Variants in PCDH9 observed in about 807,000 individuals in gnomAD.
PCDH9 encodes protocadherin-9.
In PCDH9, 24 loss-of-function variants were observed where a neutral mutation model predicts 70.6. The observed-to-expected ratio is 0.34, with a 90% confidence interval of 0.25 to 0.48. PCDH9 has a LOEUF of 0.48. Among genes scored for constraint, PCDH9 ranks in the 20% least tolerant of loss-of-function variants. The pLI is 0.99. For missense variants in PCDH9, 1,281 were observed against 1,503.6 expected (o/e 0.85, Z 2.45); for synonymous variants, 562 against 558.5 (o/e 1.01, Z -0.09).
chr13:66,491,422 A>AT (rs1959031925), intron 4 of PCDH9, among the ~76,000 whole-genome samples: 1 of 37,792 alleles, frequency 2.6e-5, no homozygotes, highest in African/African-American at 8.7e-5. Flanking sequence ...TGTGTGTATG[A>AT]GAGAGAGAGA....
At chr13:66,777,201 A>G (rs2079910691) in intron 3 of PCDH9, among the ~76,000 whole-genome samples, 1 of 152,052 alleles carries the variant, frequency 6.6e-6, no homozygotes, top group African/African-American at 2.4e-5. Flanking sequence ...AGGCAATACC[A>G]TTCAGGACAC....
intron 3 of PCDH9, among the ~76,000 whole-genome samples, chr13:66,852,732 A>G (rs1311982078): frequency 1.3e-5 from 2 of 151,518 alleles, no homozygotes; most frequent in East Asian, 1.9e-4. Context: ...TCATGTATGA[A>G]CTTCATTTTC....
At chr13:66,639,984 A>T (rs964427391) in intron 3 of PCDH9, among the ~76,000 whole-genome samples, 18 of 152,180 alleles carry the variant, frequency 1.2e-4, no homozygotes, top group African/African-American at 4.3e-4. Flanking sequence ...ATATGTACAG[A>T]AATATGGAGG....
At chr13:66,733,318 G>T (rs992383063) in intron 3 of PCDH9, among the ~76,000 whole-genome samples, 1 of 152,214 alleles carries the variant, frequency 6.6e-6, no homozygotes, top group East Asian at 1.9e-4. Context: ...ATTAGGTGTA[G>T]CCACAAATTA....
chr13:67,201,189 T>C (rs1260537920), intron 2 of PCDH9: 1 of 152,048 alleles, frequency 6.6e-6, no homozygotes, highest in Non-Finnish European at 1.5e-5. Context: ...ATGAGTGCAA[T>C]AAGCTTTCAA....
At chr13:66,525,005 C>T (rs1262809064) in intron 4 of PCDH9, among the ~76,000 whole-genome samples, 2 of 151,968 alleles carry the variant, frequency 1.3e-5, no homozygotes, top group Non-Finnish European at 2.9e-5. Context: ...AGACAGAGAG[C>T]ATGAACATGT....
At chr13:66,957,158 C>T (rs1430469908) in intron 2 of PCDH9, among the ~76,000 whole-genome samples, 3 of 152,186 alleles carry the variant, frequency 2.0e-5, no homozygotes, top group Non-Finnish European at 4.4e-5. Context: ...ATTACATTTG[C>T]ACTTTGGCAG....
At chr13:66,629,313 C>G (rs977527927) in intron 4 of PCDH9, among the ~76,000 whole-genome samples, 3 of 152,198 alleles carry the variant, frequency 2.0e-5, no homozygotes, top group Admixed American at 6.5e-5. Context: ...GAGCCAACCA[C>G]TCACATACAC....
chr13:66,786,963 C>A (rs994385915), intron 3 of PCDH9, among the ~76,000 whole-genome samples: 2 of 152,116 alleles, frequency 1.3e-5, no homozygotes, highest in Non-Finnish European at 2.9e-5. Context: ...GAAGACAATA[C>A]GTATGATAGT....
chr13:66,904,162 C>T (rs576104708), intron 2 of PCDH9, among the ~76,000 whole-genome samples: 238 of 152,004 alleles, frequency 1.6e-3, no homozygotes, highest in Non-Finnish European at 3.0e-3. Context: ...AGTGTAGTGT[C>T]TTAAAATACT....
intron 4 of PCDH9, among the ~76,000 whole-genome samples, chr13:66,346,978 T>C (rs1187727026): frequency 6.6e-6 from 1 of 152,200 alleles, no homozygotes; most frequent in East Asian, 1.9e-4. Flanking sequence ...AGTCACTTCA[T>C]TGTATTCAAT....
At chr13:67,192,020 G>C (rs2088929268) in intron 2 of PCDH9, among the ~76,000 whole-genome samples, 1 of 151,380 alleles carries the variant, frequency 6.6e-6, no homozygotes, top group African/African-American at 2.4e-5. Flanking sequence ...AAAAAAACAT[G>C]TTGTACAAGT....
chr13:66,747,782 T>A (rs973219881), intron 3 of PCDH9, among the ~76,000 whole-genome samples: 1 of 152,178 alleles, frequency 6.6e-6, no homozygotes, highest in African/African-American at 2.4e-5. Context: ...AGCACACATA[T>A]GTATATATAA....
At chr13:66,475,091 A>C (rs1958696120) in intron 4 of PCDH9, among the ~76,000 whole-genome samples, 2 of 152,080 alleles carry the variant, frequency 1.3e-5, no homozygotes, top group South Asian at 2.1e-4. Context: ...AGTTATATAA[A>C]ATTTCTGAGA....
intron 2 of PCDH9, among the ~76,000 whole-genome samples, chr13:67,033,008 T>G (rs772271391): frequency 6.6e-6 from 1 of 152,084 alleles, no homozygotes; most frequent in Non-Finnish European, 1.5e-5. Context: ...ACTTATGTGA[T>G]GCATAATTTA....
At chr13:66,318,082 C>T (rs1417949043) in intron 4 of PCDH9, among the ~76,000 whole-genome samples, 1 of 152,040 alleles carries the variant, frequency 6.6e-6, no homozygotes, top group African/African-American at 2.4e-5. Flanking sequence ...AAATTTTGCC[C>T]TCTCAGGGTG....
intron 4 of PCDH9, among the ~76,000 whole-genome samples, chr13:66,598,134 G>A (rs1593754694): frequency 1.3e-5 from 2 of 151,742 alleles, no homozygotes; most frequent in South Asian, 2.1e-4. Flanking sequence ...CACTGTTGGT[G>A]GGAATGCAAA....
At chr13:66,466,549 T>C (rs1195729468) in intron 4 of PCDH9, among the ~76,000 whole-genome samples, 2 of 152,092 alleles carry the variant, frequency 1.3e-5, no homozygotes, top group Non-Finnish European at 2.9e-5. Flanking sequence ...TGCTTTTTCA[T>C]GTGCATTTCC....
At chr13:67,062,258 A>C (rs1347563427) in intron 2 of PCDH9, among the ~76,000 whole-genome samples, 1 of 152,208 alleles carries the variant, frequency 6.6e-6, no homozygotes, top group Non-Finnish European at 1.5e-5. Flanking sequence ...AATGAAAAAA[A>C]TACAGCACAT....
Sources: gnomAD v4.1 joint callset for allele counts (sites outside exome capture counted in the v4.1 genomes callset) on GRCh38, gnomAD v4.1.1 for gene constraint, MANE v1.5 for transcripts, NCBI Gene and HGNC (gene_info 2026-07-23, HGNC 2026-07-21) for gene names.